NRG3: variants seen among roughly 807,000 people sequenced by gnomAD.
NRG3 encodes neuregulin 3, also known as pro-neuregulin-3, membrane-bound isoform.
NRG3 carries 31 observed loss-of-function variants against 66.9 expected under a neutral mutation model. That is an observed-to-expected ratio of 0.46 (90% CI 0.35 to 0.63). The LOEUF is 0.63. Ranked by LOEUF, NRG3 falls within the 20% of genes least tolerant of loss-of-function variation. The pLI, the probability that NRG3 is intolerant of heterozygous loss-of-function variation, is 0.00. For synonymous variants in NRG3, 393 were observed against 359.4 expected, an observed-to-expected ratio of 1.09 and a Z score of -1.06; for missense variants, 910 against 878.9, an observed-to-expected ratio of 1.04 and a Z score of -0.45.
intron 1 of NRG3, among the ~76,000 whole-genome samples, chr10:82,271,858 A>T (rs2078614601): frequency 6.6e-6 from 1 of 152,056 alleles, no homozygotes; most frequent in Non-Finnish European, 1.5e-5. Context: ...TCTTTTCCTG[A>T]TGATGTTATT....
At chr10:82,029,586 C>CACT (rs1422431422) in intron 1 of NRG3, among the ~76,000 whole-genome samples, 2 of 151,330 alleles carry the variant, frequency 1.3e-5, no homozygotes, top group Non-Finnish European at 2.9e-5. Flanking sequence ...CATTATGTGT[C>CACT]ACTACTACAA....
chr10:82,248,112 A>G (rs907336076), intron 1 of NRG3, among the ~76,000 whole-genome samples: 1 of 152,180 alleles, frequency 6.6e-6, no homozygotes, highest in Non-Finnish European at 1.5e-5. Flanking sequence ...CTTGCAATGT[A>G]TAACCGTAAC....
chr10:82,540,136 T>C (rs904989214), intron 2 of NRG3, among the ~76,000 whole-genome samples: 6 of 152,188 alleles, frequency 3.9e-5, no homozygotes, highest in Non-Finnish European at 7.3e-5. Context: ...CTTTGTTTTT[T>C]TCAGCTTGCT....
chr10:82,526,603 T>A (rs1000370611), intron 2 of NRG3, among the ~76,000 whole-genome samples: 3 of 151,870 alleles, frequency 2.0e-5, no homozygotes, highest in African/African-American at 7.2e-5. Context: ...GCTATAAATA[T>A]AACAAAAATT....
intron 3 of NRG3, among the ~76,000 whole-genome samples, chr10:82,805,094 T>C (rs2061222015): frequency 6.6e-6 from 1 of 152,212 alleles, no homozygotes; most frequent in South Asian, 2.1e-4. Flanking sequence ...GATGAACCTG[T>C]GACAAATGAA....
intron 1 of NRG3, among the ~76,000 whole-genome samples, chr10:82,271,609 CTAAT>C (rs140333518): frequency 0.01 from 1,554 of 152,088 alleles, 27 homozygotes; most frequent in African/African-American, 0.035. Flanking sequence ...CAACTACTAA[CTAAT>C]TAACTCTAAT....
At chr10:82,941,303 C>A (rs988627552) in intron 4 of NRG3, among the ~76,000 whole-genome samples, 15 of 152,134 alleles carry the variant, frequency 9.9e-5, no homozygotes, top group Admixed American at 2.0e-4. Context: ...CTTTTATTTG[C>A]CTTCAGGCTC....
intron 2 of NRG3, among the ~76,000 whole-genome samples, chr10:82,570,267 C>T (rs549387239): frequency 5.0e-4 from 76 of 151,790 alleles, no homozygotes; most frequent in African/African-American, 1.8e-3. Flanking sequence ...GCCTTAAAGA[C>T]CACATGCAAT....
chr10:82,521,368 T>C (rs1226872535), intron 2 of NRG3, among the ~76,000 whole-genome samples: 2 of 152,024 alleles, frequency 1.3e-5, no homozygotes, highest in Admixed American at 1.3e-4. Flanking sequence ...TTTGAGACAG[T>C]CTCGCACTGT....
intron 1 of NRG3, among the ~76,000 whole-genome samples, chr10:82,302,863 A>G (rs1414653572): frequency 2.0e-5 from 3 of 152,150 alleles, no homozygotes; most frequent in African/African-American, 7.2e-5. Flanking sequence ...CCATTATTTC[A>G]ATAATGGGTC....
chr10:82,144,347 C>T (rs2070079012), intron 1 of NRG3, among the ~76,000 whole-genome samples: 1 of 152,130 alleles, frequency 6.6e-6, no homozygotes, highest in Non-Finnish European at 1.5e-5. Flanking sequence ...GAATTGGTCC[C>T]TTGGGACAGG....
chr10:82,434,240 C>G (rs976631247), intron 2 of NRG3, among the ~76,000 whole-genome samples: 1 of 152,054 alleles, frequency 6.6e-6, no homozygotes, highest in African/African-American at 2.4e-5. Flanking sequence ...CATGATTTGG[C>G]TTTCTGCTTG....
At chr10:82,088,641 G>A (rs11192447) in intron 1 of NRG3, among the ~76,000 whole-genome samples, 9,587 of 151,978 alleles carry the variant, frequency 0.063, 396 homozygotes, top group East Asian at 0.23. Context: ...ATCAGACCGG[G>A]GAAGAATAAA....
At chr10:82,306,200 G>C (rs910255039) in intron 1 of NRG3, among the ~76,000 whole-genome samples, 2 of 152,068 alleles carry the variant, frequency 1.3e-5, no homozygotes, top group African/African-American at 4.8e-5. Flanking sequence ...ACTTGATCAT[G>C]ATGTATTATT....
intron 1 of NRG3, among the ~76,000 whole-genome samples, chr10:82,324,303 A>G (rs1052633782): frequency 2.6e-5 from 4 of 152,080 alleles, no homozygotes; most frequent in Non-Finnish European, 5.9e-5. Flanking sequence ...ATTTGTGTCT[A>G]CTTTTTTCCC....
intron 2 of NRG3, among the ~76,000 whole-genome samples, chr10:82,631,558 T>C (rs1055234522): frequency 6.6e-6 from 1 of 151,694 alleles, no homozygotes; most frequent in Non-Finnish European, 1.5e-5. Context: ...TCCATTTGAC[T>C]GTGGGCATCC....
At chr10:82,457,080 T>TAA (rs1200245981) in intron 2 of NRG3, among the ~76,000 whole-genome samples, 1 of 152,150 alleles carries the variant, frequency 6.6e-6, no homozygotes, top group South Asian at 2.1e-4. Flanking sequence ...TCATTCCTAA[T>TAA]AATAAAATAA....
At chr10:82,299,151 T>A (rs1210499641) in intron 1 of NRG3, among the ~76,000 whole-genome samples, 1 of 152,032 alleles carries the variant, frequency 6.6e-6, no homozygotes, top group African/African-American at 2.4e-5. Flanking sequence ...TGGCAAAAAC[T>A]TAGGGATCTG....
At chr10:81,968,988 T>C (rs558924790) in intron 1 of NRG3, among the ~76,000 whole-genome samples, 2 of 152,284 alleles carry the variant, frequency 1.3e-5, no homozygotes, top group Admixed American at 6.5e-5. Flanking sequence ...GGTGGAAGTA[T>C]CACAGCTGCA....
Sources: allele counts gnomAD v4.1 joint callset (sites outside exome capture counted in the v4.1 genomes callset), GRCh38; gene constraint gnomAD v4.1.1; transcripts MANE v1.5; gene names NCBI Gene and HGNC (gene_info 2026-07-23, HGNC 2026-07-21).